The following ATP8B4 variants were observed in gnomAD, a reference collection of about 807,000 sequenced individuals.
ATP8B4 encodes the protein ATPase phospholipid transporting 8B4 (putative), also known as probable phospholipid-transporting ATPase IM.
A neutral mutation model predicts 145.6 loss-of-function variants in ATP8B4; 133 were observed. The observed-to-expected ratio is 0.91, with a 90% CI of 0.79 to 1.05. ATP8B4 has a LOEUF of 1.05. Ranked by LOEUF, ATP8B4 falls within the 50% of genes least tolerant of loss-of-function variation. ATP8B4 has a pLI of 0.00. For missense variants in ATP8B4, 1,458 were observed against 1,425.2 expected (o/e 1.02, Z -0.37); for synonymous variants, 507 against 492.9 (o/e 1.03, Z -0.38).
rs565820081 is a variant in ATP8B4, at chr15:49,972,478, G to A, written c.1243+104C>T. On this transcript the variant is annotated intron_variant, in intron 13 of 27. Coordinates refer to ENST00000284509, the MANE Select transcript of ATP8B4 (RefSeq NM_024837.4). ...ATGCTGACGGTGCCCATATTAATAAGAAAGCCAGCGACTGTTTTGGATTTT... is the reference window on the plus strand; with the variant it reads ...ATGCTGACGGTGCCCATATTAATAAAAAAGCCAGCGACTGTTTTGGATTTT... 2.1e-4 allele frequency: 233 copies of A among 1,115,652 alleles called. 1 individual carries two copies. The African/African-American group carries it at 3.2e-3, about 16-fold the overall frequency. The allele number at this position is 1,115,652 out of a possible 1,614,324, so 69.1% of individuals were successfully genotyped here.
chr15:50,055,910 T>C (rs191325990), intron 3 of ATP8B4, among the ~76,000 whole-genome samples: 4 of 152,308 alleles, frequency 2.6e-5, no homozygotes, highest in Admixed American at 2.0e-4. Flanking sequence ...GGTACCTCAC[T>C]GATACCAGGA....
At chr15:50,000,956 T>G (rs754264777) in intron 8 of ATP8B4, among the ~76,000 whole-genome samples, 48 of 152,120 alleles carry the variant, frequency 3.2e-4, no homozygotes, top group Admixed American at 9.2e-4. Context: ...AATTTATGTG[T>G]GCACAGTTGT....
intron 15 of ATP8B4, among the ~76,000 whole-genome samples, 171 bp from the exon 16 acceptor site, chr15:49,931,478 T>A (rs1185404391): frequency 6.6e-6 from 1 of 152,050 alleles, no homozygotes; most frequent in Non-Finnish European, 1.5e-5. Context: ...GTATCTGTCC[T>A]CTGGGATACC....
chr15:50,051,568 G>C (rs558049272), intron 3 of ATP8B4, among the ~76,000 whole-genome samples: 16 of 152,262 alleles, frequency 1.1e-4, no homozygotes, highest in African/African-American at 3.9e-4. Context: ...TACTCAAGAA[G>C]TTAACACACT....
chr15:49,912,578 T>C (rs1462070648), intron 20 of ATP8B4, among the ~76,000 whole-genome samples: 1 of 152,074 alleles, frequency 6.6e-6, no homozygotes, highest in East Asian at 1.9e-4. Flanking sequence ...CACTACCAGA[T>C]TCTACCAAAC....
chr15:50,019,362 T>C (rs1306733734), intron 6 of ATP8B4, among the ~76,000 whole-genome samples: 1 of 152,204 alleles, frequency 6.6e-6, no homozygotes, highest in Non-Finnish European at 1.5e-5. Flanking sequence ...AAACCGGCTC[T>C]TATCAACCCC....
At chr15:50,078,625 G>A (rs1329417391) in intron 2 of ATP8B4, among the ~76,000 whole-genome samples, 3 of 151,990 alleles carry the variant, frequency 2.0e-5, no homozygotes, top group Non-Finnish European at 2.9e-5. Flanking sequence ...AAACTGCCCT[G>A]CTCCAGAGTA....
intron 2 of ATP8B4, among the ~76,000 whole-genome samples, chr15:50,089,661 TTTTC>T (rs2055466854): frequency 6.6e-6 from 1 of 151,956 alleles, no homozygotes; most frequent in African/African-American, 2.4e-5. Context: ...GAACTTTTTT[TTTTC>T]TTTCTTTCTT....
chr15:50,024,688 T>C (rs1216376329), intron 6 of ATP8B4, among the ~76,000 whole-genome samples: 1 of 152,222 alleles, frequency 6.6e-6, no homozygotes, highest in African/African-American at 2.4e-5. Flanking sequence ...CTGTCACATT[T>C]TTGCTTGTCC....
intron 1 of ATP8B4, among the ~76,000 whole-genome samples, chr15:50,180,183 G>T (rs1261797773): frequency 6.6e-6 from 1 of 152,012 alleles, no homozygotes; most frequent in Non-Finnish European, 1.5e-5. Context: ...TCCAGTCAGG[G>T]ATTTTTTTTT....
intron 2 of ATP8B4, among the ~76,000 whole-genome samples, chr15:50,090,508 A>C (rs2414016): frequency 0.74 from 111,910 of 152,132 alleles, 42,019 homozygotes; most frequent in African/African-American, 0.91. Context: ...GCTCCCTCAT[A>C]CCTTCTGCCA....
intron 20 of ATP8B4, chr15:49,908,238 C>T: frequency 2.5e-6 from 1 of 393,326 alleles, no homozygotes; most frequent in Non-Finnish European, 5.1e-6. Context: ...CAGCAAGAGT[C>T]AAGTTCTGAA....
chr15:50,151,995 A>G (rs1340375800), intron 1 of ATP8B4, among the ~76,000 whole-genome samples: 2 of 152,158 alleles, frequency 1.3e-5, no homozygotes, highest in Non-Finnish European at 2.9e-5. Context: ...GTTAGATAAA[A>G]GTCATAAAAG....
intron 14 of ATP8B4, among the ~76,000 whole-genome samples, chr15:49,952,704 A>T (rs1262518692): frequency 2.0e-5 from 3 of 151,998 alleles, no homozygotes; most frequent in Non-Finnish European, 2.9e-5. Flanking sequence ...CTACCAATTC[A>T]CCCATCTGAT....
chr15:50,129,946 CAAAAAA>C lies in ATP8B4; in HGVS notation c.-42-22944_-42-22939del, dbSNP rs59921497. On this transcript the variant is annotated intron_variant, in intron 1 of 3. Transcript: ENST00000558829. ...CTGGTGACAGAGCAAGACTCTGACTCAAAAAAAAAAAAAAAAAAAAAAAGAAAGAAA... is the reference window on the plus strand; with the variant it reads ...CTGGTGACAGAGCAAGACTCTGACTCAAAAAAAAAAAAAAAAAGAAAGAAA... Among the ~76,000 whole-genome samples the C allele has an allele frequency of 1.9e-4, 17 of 88,112 alleles. No homozygotes were observed. In the East Asian group the frequency reaches 3.7e-3, roughly 19 times the overall value. 57.8% of individuals were successfully genotyped at this position (88,112 alleles called of 152,430 possible). A position where few individuals can be genotyped will look rare whatever the true frequency, so the allele number is the denominator to read the frequency against.
chr15:49,968,126 C>T (rs1437908034), intron 13 of ATP8B4, among the ~76,000 whole-genome samples: 1 of 152,102 alleles, frequency 6.6e-6, no homozygotes, highest in Non-Finnish European at 1.5e-5. Context: ...CTGAAAGAAG[C>T]ACTAAATATG....
intron 14 of ATP8B4, among the ~76,000 whole-genome samples, chr15:49,958,592 CTA>C (rs1031253433): frequency 7.9e-5 from 12 of 151,548 alleles, no homozygotes; most frequent in Non-Finnish European, 1.3e-4. Context: ...ATTAAAAGAC[CTA>C]TGAGTCTTTT....
At chr15:50,068,012 G>A (rs1234157974) in intron 3 of ATP8B4, among the ~76,000 whole-genome samples, 4 of 152,138 alleles carry the variant, frequency 2.6e-5, no homozygotes, top group Non-Finnish European at 5.9e-5. Context: ...ACAGGAACAT[G>A]AAATTTTCCT....
chr15:49,940,581 CA>C (rs911814876), intron 14 of ATP8B4, among the ~76,000 whole-genome samples: 2 of 151,968 alleles, frequency 1.3e-5, no homozygotes, highest in Non-Finnish European at 2.9e-5. Flanking sequence ...TTTTAATCAA[CA>C]AACAAAATAG....
Sources: allele counts gnomAD v4.1 joint callset (sites outside exome capture counted in the v4.1 genomes callset), GRCh38; gene constraint gnomAD v4.1.1; transcripts MANE v1.5; gene names NCBI Gene and HGNC (gene_info 2026-07-23, HGNC 2026-07-21).